The following CHL1 variants were observed in gnomAD, a reference collection of about 807,000 sequenced individuals.
CHL1 encodes cell adhesion molecule L1 like, also known as neural cell adhesion molecule L1-like protein.
Under a neutral mutation model 141.9 loss-of-function variants are expected in CHL1, and 96 were observed. The ratio of observed to expected loss-of-function variants is 0.68; its 90% CI spans 0.57 to 0.80. CHL1 has a LOEUF of 0.80. CHL1 is among the 30% of genes least tolerant of loss of function. The probability of loss-of-function intolerance (pLI) is 0.00; values close to 1 mark genes in which losing one functional copy is unlikely to be tolerated. For synonymous variants in CHL1, 613 were observed against 502.2 expected (o/e 1.22, Z -2.95); for missense variants, 1,820 against 1,457.2 (o/e 1.25, Z -4.05).
At chr3:342,201 C>G in intron 7 of CHL1, 119 bp downstream of exon 7, 1 of 756,602 alleles carries the variant, frequency 1.3e-6, no homozygotes. Context: ...TGCAGTTCAA[C>G]TCTGGAGACT....
At chr3:379,616 C>G (rs920433099) in intron 16 of CHL1, among the ~76,000 whole-genome samples, 6 of 152,214 alleles carry the variant, frequency 3.9e-5, no homozygotes, top group African/African-American at 1.4e-4. Flanking sequence ...CTCCCCTTCT[C>G]AATTTCCTTA....
At position 369,311 on chromosome 3, in the gene CHL1, T is replaced by G. The variant is rs147442432; in HGVS notation, c.1751+3196T>G. On this transcript the variant is annotated intron_variant, in intron 15 of 27. Coordinates refer to ENST00000256509, the MANE Select transcript of CHL1 (RefSeq NM_006614.4). ...TTGTAGTTCTCCTTGAAGAGGTCCT[T>G]TGCATCCCTTGTTAGCTGTATTCCT... 5.4e-3 allele frequency among the ~76,000 whole-genome samples: 827 copies of G among 152,280 alleles called. 1 individual carries two copies. The highest frequency in any genetic ancestry group is 8.3e-3 in the Non-Finnish European group (566 of 68,022).
intron 6 of CHL1, 40 bp from the exon 7 acceptor site, chr3:341,872 G>A (rs1427511936): frequency 2.7e-6 from 4 of 1,492,192 alleles, no homozygotes; most frequent in Non-Finnish European, 3.6e-6. Flanking sequence ...GCACAGTAAG[G>A]GACAATTGCC....
At chr3:226,475 T>C (rs1222933977) in intron 1 of CHL1, among the ~76,000 whole-genome samples, 1 of 150,788 alleles carries the variant, frequency 6.6e-6, no homozygotes, top group Non-Finnish European at 1.5e-5. Context: ...GGAGTTTTGC[T>C]CTGTCGCCCA....
intron 1 of CHL1, among the ~76,000 whole-genome samples, chr3:214,017 A>G (rs1336580313): frequency 4.6e-5 from 7 of 152,212 alleles, no homozygotes; most frequent in Non-Finnish European, 1.0e-4. Context: ...TGGAATATGG[A>G]TACCTTTACT....
In CHL1 at chr3:337,713, T is replaced by G. The variant is rs989568571; in HGVS notation, c.386-3081T>G. Among the ~76,000 whole-genome samples the G allele has an allele frequency of 1.3e-4, 20 of 152,280 alleles. No individual in the cohort carries two copies. The East Asian group carries it at 1.4e-3, about 10-fold the overall frequency. The stretch of plus-strand genomic sequence containing the variant: ...ACATGAACTCATCATTTTTATGGCT[T>G]CATAGTATTCCATGGTGTATATGTG... On this transcript the variant is annotated intron_variant, in intron 5 of 27. Transcript: ENST00000256509.
In CHL1 at chr3:344,680, C is replaced by T. The variant is rs374362188; in HGVS notation, c.819C>T (p.Ile273=). The change falls in exon 9 of 28, where the codon ATC becomes ATT. Residue 273 remains isoleucine, a synonymous_variant. Coordinates refer to ENST00000256509, the MANE Select transcript of CHL1 (RefSeq NM_006614.4). ...CAATTACCATCCTCAAAGGGGAAATCTTGCTGCTTGAGTGTTTTGCTGAAG... is the reference window on the plus strand; with the variant it reads ...CAATTACCATCCTCAAAGGGGAAATTTTGCTGCTTGAGTGTTTTGCTGAAG... The part of the protein sequence containing the change: ...ESSITILKGE[I]LLLECFAEGL... 4.3e-5 allele frequency: 70 copies of T among 1,613,608 alleles called. No individual in the cohort carries two copies. The African/African-American group carries it at 5.5e-4, about 13-fold the overall frequency.
chr3:393,000 G>A (rs183727453), intron 23 of CHL1, among the ~76,000 whole-genome samples: 43 of 152,228 alleles, frequency 2.8e-4, no homozygotes, highest in African/African-American at 9.6e-4. Flanking sequence ...GTGGGAGGCC[G>A]AGGCTGGTGG....
At chr3:368,138 G>A (rs1289870163) in intron 15 of CHL1, among the ~76,000 whole-genome samples, 1 of 152,104 alleles carries the variant, frequency 6.6e-6, no homozygotes, top group Non-Finnish European at 1.5e-5. Flanking sequence ...GGGTCAAATG[G>A]TATTTCTGGT....
At chr3:306,865 A>G (rs1000040903) in intron 2 of CHL1, among the ~76,000 whole-genome samples, 3 of 152,234 alleles carry the variant, frequency 2.0e-5, no homozygotes, top group Non-Finnish European at 2.9e-5. Context: ...GTTGATAATT[A>G]TGATGACCAT....
chr3:247,334 A>G (rs750886916), intron 2 of CHL1: 1 of 152,022 alleles, frequency 6.6e-6, no homozygotes, highest in Non-Finnish European at 1.5e-5. Flanking sequence ...TGCTTGACCA[A>G]TCTTGCCTCT....
intron 2 of CHL1, among the ~76,000 whole-genome samples, chr3:296,493 T>A (rs544913254): frequency 6.6e-6 from 1 of 152,250 alleles, no homozygotes; most frequent in East Asian, 1.9e-4. Context: ...TCTTCATGAA[T>A]TTAGAACCAC....
At chr3:262,668 A>C (rs113779637) in intron 2 of CHL1, among the ~76,000 whole-genome samples, 2,025 of 152,336 alleles carry the variant, frequency 0.013, 51 homozygotes, top group African/African-American at 0.047. Flanking sequence ...GTACACTGAA[A>C]AACAGGATTG....
At chr3:297,150 G>A (rs954779350) in intron 2 of CHL1, among the ~76,000 whole-genome samples, 2 of 151,958 alleles carry the variant, frequency 1.3e-5, no homozygotes, top group African/African-American at 2.4e-5. Flanking sequence ...TGCTTGAGTC[G>A]GGGAGATGGA....
At chr3:345,854 C>A (rs564744703) in intron 9 of CHL1, among the ~76,000 whole-genome samples, 55 of 152,250 alleles carry the variant, frequency 3.6e-4, no homozygotes, top group African/African-American at 1.3e-3. Flanking sequence ...AAAATTGTTC[C>A]ATTTATTAAC....
At chr3:354,796 G>A (rs758667821) in intron 11 of CHL1, 25 bp downstream of exon 11, 6 of 1,612,056 alleles carry the variant, frequency 3.7e-6, no homozygotes, top group Non-Finnish European at 5.1e-6. Context: ...CAATTGCAAT[G>A]CAATGCTGAA....
At chr3:343,506 C>T (rs1702509698) in intron 8 of CHL1, among the ~76,000 whole-genome samples, 1 of 152,106 alleles carries the variant, frequency 6.6e-6, no homozygotes, top group South Asian at 2.1e-4. Context: ...TAGCATTTTT[C>T]AAGTTCATGT....
At chr3:326,834 A>T (rs1701054357) in intron 4 of CHL1, among the ~76,000 whole-genome samples, 1 of 151,956 alleles carries the variant, frequency 6.6e-6, no homozygotes, top group South Asian at 2.1e-4. Flanking sequence ...ATGAAAATTG[A>T]TGATTTTCAA....
chr3:349,656 T>C, intron 10 of CHL1, 113 bp downstream of exon 10: 2 of 858,994 alleles, frequency 2.3e-6, no homozygotes, highest in Non-Finnish European at 1.8e-6. Context: ...GTTTCAACTT[T>C]TAATTGTAGT....
Sources: gnomAD v4.1 joint callset for allele counts (sites outside exome capture counted in the v4.1 genomes callset) on GRCh38, gnomAD v4.1.1 for gene constraint, MANE v1.5 for transcripts, NCBI Gene and HGNC (gene_info 2026-07-23, HGNC 2026-07-21) for gene names.